The following ZFYVE1 variants were observed in gnomAD, a reference collection of about 807,000 sequenced individuals.
ZFYVE1 encodes zinc finger FYVE-type containing 1.
ZFYVE1 carries 30 observed loss-of-function variants against 74.4 expected under a neutral mutation model. The observed-to-expected ratio is 0.40, with a 90% confidence interval of 0.30 to 0.55. The LOEUF is 0.55. ZFYVE1 is among the 20% of genes least tolerant of loss of function. ZFYVE1 has a pLI of 0.42. For missense variants in ZFYVE1, 703 were observed against 1,011.6 expected, an observed-to-expected ratio of 0.69 and a Z score of 4.14; for synonymous variants, 335 against 385.1, an observed-to-expected ratio of 0.87 and a Z score of 1.52.
intron 3 of ZFYVE1, among the ~76,000 whole-genome samples, chr14:72,995,651 A>C (rs1893726890): frequency 2.0e-5 from 3 of 152,218 alleles, no homozygotes; most frequent in Admixed American, 2.0e-4. Flanking sequence ...CACAGGAGGC[A>C]GCTGAAAGTC....
In ZFYVE1 at chr14:73,024,083, C is replaced by T; in HGVS notation, c.426G>A (p.Lys142=). The change falls in exon 2 of 12, where the codon AAG becomes AAA. Residue 142 remains lysine, a synonymous_variant. Transcript: ENST00000556143. ...AEEMDEETKR[K]KMTEKVVSFL... is the part of the protein sequence containing the mutation. ...AACTCACAACCTTCTCAGTCATCTT[C>T]TTCCTCTTGGTCTCCTCATCCATCT... 2 of 1,614,200 alleles carry T rather than the reference C, an allele frequency of 1.2e-6. No homozygotes were observed. The highest frequency in any genetic ancestry group is 1.7e-6 in the Non-Finnish European group (2 of 1,180,046).
At chr14:72,982,747 A>C (rs1394309680) in intron 4 of ZFYVE1, among the ~76,000 whole-genome samples, 1 of 152,252 alleles carries the variant, frequency 6.6e-6, no homozygotes, top group African/African-American at 2.4e-5. Flanking sequence ...GCCTTAACAA[A>C]AGGACAATAT....
intron 2 of ZFYVE1, among the ~76,000 whole-genome samples, chr14:73,007,383 A>T (rs1480309076): frequency 6.6e-6 from 1 of 151,842 alleles, no homozygotes; most frequent in East Asian, 1.9e-4. Context: ...ACAATCATAC[A>T]TTACTCCAAT....
chr14:73,014,902 G>T (rs1894158043), intron 2 of ZFYVE1, among the ~76,000 whole-genome samples: 1 of 152,136 alleles, frequency 6.6e-6, no homozygotes, highest in African/African-American at 2.4e-5. Context: ...AAGTGGCACA[G>T]ACATGTGGCA....
intron 10 of ZFYVE1, 56 bp downstream of exon 10, chr14:72,974,723 G>C: frequency 1.9e-6 from 3 of 1,548,278 alleles, no homozygotes; most frequent in Non-Finnish European, 2.6e-6. Flanking sequence ...TTAGCACCCA[G>C]GGCCAATGTG....
At chr14:73,006,107 G>A (rs1214570444) in intron 2 of ZFYVE1, among the ~76,000 whole-genome samples, 1 of 151,924 alleles carries the variant, frequency 6.6e-6, no homozygotes. Context: ...TTTTAGTGGA[G>A]ACGGGGTTTC....
At chr14:72,984,191 A>T (rs1893417629) in intron 4 of ZFYVE1, among the ~76,000 whole-genome samples, 1 of 152,176 alleles carries the variant, frequency 6.6e-6, no homozygotes. Context: ...ATGGTCTGAC[A>T]AATAATGCAT....
rs1594871589 is a variant in ZFYVE1 at position 73,024,366 on chromosome 14, T to G, written c.143A>C (p.Glu48Ala). ...CSLQCLRCEE[E>A]LHRQERLRNH... ...TCTCAGGCGCTCCTGCCGATGGAGC[T>G]CCTCCTCGCAGCGGAGACACTGCAG... The change falls in exon 2 of 12, where the codon GAG (glutamate) becomes GCG (alanine). Residue 48 changes from glutamate to alanine, a missense_variant. Coordinates refer to ENST00000556143, the MANE Select transcript of ZFYVE1 (RefSeq NM_021260.4). 1 of 1,614,142 alleles carries G rather than the reference T, an allele frequency of 6.2e-7. No individual in the cohort carries two copies. The highest frequency in any genetic ancestry group is 8.5e-7 in the Non-Finnish European group (1 of 1,180,028).
intron 2 of ZFYVE1, 134 bp from the exon 3 acceptor site, chr14:72,998,449 T>G (rs1893800472): frequency 2.5e-6 from 2 of 788,920 alleles, no homozygotes; most frequent in African/African-American, 3.5e-5. Context: ...GGATAATAGC[T>G]CCCCACCTCC....
intron 11 of ZFYVE1, among the ~76,000 whole-genome samples, chr14:72,971,816 C>G (rs547889123): frequency 2.6e-5 from 4 of 152,252 alleles, no homozygotes; most frequent in South Asian, 2.1e-4. Context: ...ACTGAAGGGG[C>G]AGCCGTGTTA....
intron 1 of ZFYVE1, 128 bp downstream of exon 1, chr14:73,026,797 AC>A (rs1472551740): frequency 4.7e-5 from 2 of 42,974 alleles, no homozygotes; most frequent in Admixed American, 4.4e-4. Flanking sequence ...ATACCACCCC[AC>A]CCCCACCCCC....
At chr14:72,985,239 T>C (rs1223127161) in intron 4 of ZFYVE1, among the ~76,000 whole-genome samples, 3 of 152,212 alleles carry the variant, frequency 2.0e-5, no homozygotes, top group African/African-American at 7.2e-5. Context: ...CACTGCAGCA[T>C]CACCCTCCTA....
chr14:72,976,513 G>C (rs747108002), intron 8 of ZFYVE1, among the ~76,000 whole-genome samples: 6 of 152,094 alleles, frequency 3.9e-5, no homozygotes, highest in Admixed American at 2.6e-4. Context: ...GGCCGGGTGC[G>C]ATGGCTCACG....
At chr14:73,009,880 G>A (rs552095721) in intron 2 of ZFYVE1, among the ~76,000 whole-genome samples, 1 of 152,220 alleles carries the variant, frequency 6.6e-6, no homozygotes, top group South Asian at 2.1e-4. Flanking sequence ...GGCTGAGACC[G>A]GAGCACTACT....
intron 4 of ZFYVE1, 138 bp from the exon 5 acceptor site, chr14:72,982,033 G>A (rs1434449979): frequency 1.4e-6 from 1 of 698,846 alleles, no homozygotes; most frequent in Non-Finnish European, 2.5e-6. Flanking sequence ...TGACCTTCCT[G>A]ACCCCACTCA....
At chr14:73,003,001 C>T (rs1206224128) in intron 2 of ZFYVE1, among the ~76,000 whole-genome samples, 1 of 150,668 alleles carries the variant, frequency 6.6e-6, no homozygotes, top group East Asian at 1.9e-4. Flanking sequence ...CTCGGCCTCC[C>T]AAAGCACTGG....
rs551905264 is a variant in ZFYVE1 at position 72,981,241 on chromosome 14, C to T, written c.1310+548G>A. ...CATAGCAATGCAGAGGTCCTACACACGACCCGTTAATTAGAATCCCAGAAG... is the reference window on the plus strand; with the variant it reads ...CATAGCAATGCAGAGGTCCTACACATGACCCGTTAATTAGAATCCCAGAAG... On this transcript the variant is annotated intron_variant, in intron 5 of 11. Coordinates refer to ENST00000556143, the MANE Select transcript of ZFYVE1 (RefSeq NM_021260.4). Among the ~76,000 whole-genome samples, 4 of 152,244 alleles carry T rather than the reference C, an allele frequency of 2.6e-5. No individual in the cohort carries two copies. In the South Asian group the frequency reaches 8.3e-4, roughly 32 times the overall value.
At chr14:73,006,738 CAG>C (rs1359600908) in intron 2 of ZFYVE1, among the ~76,000 whole-genome samples, 2 of 98,054 alleles carry the variant, frequency 2.0e-5, no homozygotes, top group South Asian at 7.8e-4. Flanking sequence ...TTTTTTGAGA[CAG>C]AGTCTAACTC....
At chr14:73,013,072 G>C (rs552753803) in intron 2 of ZFYVE1, among the ~76,000 whole-genome samples, 2 of 152,098 alleles carry the variant, frequency 1.3e-5, no homozygotes, top group South Asian at 4.2e-4. Context: ...TAACATCTAG[G>C]GTCAAATTTC....
Sources: allele counts gnomAD v4.1 joint callset (sites outside exome capture counted in the v4.1 genomes callset), GRCh38; gene constraint gnomAD v4.1.1; transcripts MANE v1.5; gene names NCBI Gene and HGNC (gene_info 2026-07-23, HGNC 2026-07-21).